TRPM1: variants seen among roughly 807,000 people sequenced by gnomAD.
The protein encoded by TRPM1 is transient receptor potential cation channel subfamily M member 1.
Under a neutral mutation model 149.4 loss-of-function variants are expected in TRPM1, and 113 were observed. The ratio of observed to expected loss-of-function variants is 0.76; its 90% confidence interval spans 0.65 to 0.88. The LOEUF is 0.88. Among genes scored for constraint, TRPM1 ranks in the 40% least tolerant of loss-of-function variants. The pLI is 0.00. For synonymous variants in TRPM1, 741 were observed against 759.5 expected (o/e 0.98, Z 0.40); for missense variants, 1,976 against 2,038.7 (o/e 0.97, Z 0.59).
intron 2 of TRPM1, among the ~76,000 whole-genome samples, chr15:31,077,518 T>C (rs1201884845): frequency 1.3e-5 from 2 of 152,128 alleles, no homozygotes; most frequent in Non-Finnish European, 1.5e-5. Context: ...AAGGGCCCCA[T>C]TGGGTCTGCT....
chr15:31,094,379 C>T (rs1000837681), intron 1 of TRPM1, among the ~76,000 whole-genome samples: 2 of 152,056 alleles, frequency 1.3e-5, no homozygotes, highest in African/African-American at 4.8e-5. Context: ...AAATGAAAAA[C>T]TGTTCATCAA....
At chr15:31,067,006 C>T (rs2034393933) in intron 6 of TRPM1, 57 bp downstream of exon 6, 2 of 1,604,562 alleles carry the variant, frequency 1.2e-6, no homozygotes, top group Non-Finnish European at 1.7e-6. Flanking sequence ...CAACGGTTAC[C>T]TCAAAATCAA....
chr15:31,079,347 T>G (rs945953468), intron 2 of TRPM1, among the ~76,000 whole-genome samples: 8 of 152,226 alleles, frequency 5.3e-5, no homozygotes, highest in African/African-American at 1.9e-4. Flanking sequence ...AGGATTTGAC[T>G]GAGCTATGGG....
At chr15:31,062,013 G>A (rs1049354394) in intron 9 of TRPM1, among the ~76,000 whole-genome samples, 1 of 152,164 alleles carries the variant, frequency 6.6e-6, no homozygotes, top group African/African-American at 2.4e-5. Flanking sequence ...TGGCATTGCC[G>A]TGGGGTGCCT....
At chr15:31,071,436 C>T (rs542521168) in intron 3 of TRPM1, among the ~76,000 whole-genome samples, 2 of 152,228 alleles carry the variant, frequency 1.3e-5, no homozygotes, top group South Asian at 4.1e-4. Flanking sequence ...ATGTGCAGGG[C>T]CCTTGCCAGA....
intron 23 of TRPM1, among the ~76,000 whole-genome samples, chr15:31,029,682 C>T (rs551711889): frequency 4.3e-4 from 66 of 152,282 alleles, no homozygotes; most frequent in African/African-American, 1.5e-3. Context: ...GTTAAAAATA[C>T]TGTGAAAAAG....
chr15:31,134,339 T>G (rs141487042), intron 1 of TRPM1, among the ~76,000 whole-genome samples: 2 of 152,332 alleles, frequency 1.3e-5, no homozygotes, highest in African/African-American at 2.4e-5. Context: ...ATCCCACATA[T>G]GCCTCTTTGG....
At chr15:31,069,955 G>T in intron 4 of TRPM1, 76 bp downstream of exon 4, 1 of 1,613,410 alleles carries the variant, frequency 6.2e-7, no homozygotes, top group South Asian at 1.1e-5. Context: ...CCAGGTATCT[G>T]CAGTTTGGGG....
chr15:31,108,032 A>G (rs1303636468), intron 1 of TRPM1, among the ~76,000 whole-genome samples: 1 of 151,668 alleles, frequency 6.6e-6, no homozygotes, highest in Non-Finnish European at 1.5e-5. Flanking sequence ...TAATTTTTGT[A>G]TTTTTAGTAG....
chr15:31,030,942 A>G, intron 23 of TRPM1, 41 bp downstream of exon 23: 1 of 1,611,636 alleles, frequency 6.2e-7, no homozygotes, highest in South Asian at 1.1e-5. Context: ...CATCTGCCTC[A>G]GAAGCAGGGA....
intron 26 of TRPM1, among the ~76,000 whole-genome samples, chr15:31,026,488 A>T (rs2032762773): frequency 6.6e-6 from 1 of 152,230 alleles, no homozygotes; most frequent in South Asian, 2.1e-4. Context: ...TAAACATAAA[A>T]AACAAAATTA....
intron 1 of TRPM1, among the ~76,000 whole-genome samples, chr15:31,126,945 C>T (rs762490457): frequency 2.7e-5 from 4 of 148,426 alleles, no homozygotes; most frequent in East Asian, 3.9e-4. Flanking sequence ...CCGGCCTAGA[C>T]GACAGAGTGA....
At chr15:31,088,871 T>G (rs561717604) in intron 1 of TRPM1, among the ~76,000 whole-genome samples, 2 of 38,504 alleles carry the variant, frequency 5.2e-5, no homozygotes, top group South Asian at 3.0e-3. Context: ...GTATTGACAT[T>G]TGGCCCCCCC....
chr15:31,140,965 G>A (rs1020807950), intron 1 of TRPM1, among the ~76,000 whole-genome samples: 13 of 151,958 alleles, frequency 8.6e-5, no homozygotes, highest in African/African-American at 3.1e-4. Context: ...TGGATAACAG[G>A]TGCGTACCAC....
chr15:31,030,144 G>A (rs1216485465), intron 23 of TRPM1, among the ~76,000 whole-genome samples: 2 of 152,200 alleles, frequency 1.3e-5, no homozygotes, highest in Admixed American at 6.5e-5. Flanking sequence ...TAACCTAGAG[G>A]CAGTAGATAT....
chr15:31,159,719 T>C (rs1327083078), intron 1 of TRPM1, among the ~76,000 whole-genome samples: 2 of 152,206 alleles, frequency 1.3e-5, no homozygotes, highest in Non-Finnish European at 1.5e-5. Flanking sequence ...GTCAGAGACT[T>C]GCAAACACCT....
At chr15:31,093,260 C>CAAAAAAAAA (rs34790478) in intron 1 of TRPM1, among the ~76,000 whole-genome samples, 1 of 63,190 alleles carries the variant, frequency 1.6e-5, no homozygotes, top group Non-Finnish European at 2.7e-5. Context: ...GACTTTGTCT[C>CAAAAAAAAA]AAAAAAAAAA....
chr15:31,106,807 G>A (rs2035613422), intron 1 of TRPM1, among the ~76,000 whole-genome samples: 1 of 152,160 alleles, frequency 6.6e-6, no homozygotes. Context: ...AAGTGAGATT[G>A]CTGGGATTAA....
intron 1 of TRPM1, among the ~76,000 whole-genome samples, chr15:31,125,729 C>CAAAAA (rs59878175): frequency 7.6e-5 from 4 of 52,764 alleles, no homozygotes; most frequent in African/African-American, 1.5e-4. Context: ...GACTCCGTCT[C>CAAAAA]AAAAAAAAAA....
Sources: allele counts gnomAD v4.1 joint callset (sites outside exome capture counted in the v4.1 genomes callset), GRCh38; gene constraint gnomAD v4.1.1; transcripts MANE v1.5; gene names NCBI Gene and HGNC (gene_info 2026-07-23, HGNC 2026-07-21).